SRSF3: variants seen among roughly 807,000 people sequenced by gnomAD.
SRSF3 encodes the protein serine/arginine-rich splicing factor 3.
For missense variants in SRSF3, 58 were observed against 217.1 expected (o/e 0.27, Z 4.61); for synonymous variants, 87 against 73.6 (o/e 1.18, Z -0.93).
At chr6:36,595,236 C>T (rs1166046531) in intron 1 of SRSF3, among the ~76,000 whole-genome samples, 3 of 152,152 alleles carry the variant, frequency 2.0e-5, no homozygotes, top group South Asian at 2.1e-4. Flanking sequence ...ACAAGTTTAT[C>T]AGATTCATCG....
intron 1 of SRSF3, among the ~76,000 whole-genome samples, chr6:36,595,035 T>C (rs1192828040): frequency 2.0e-5 from 3 of 152,196 alleles, no homozygotes; most frequent in African/African-American, 7.2e-5. Flanking sequence ...CAGCAGTGTT[T>C]TTAAAAATTT....
Position 36,602,088 on chromosome 6 carries a change from T to C in SRSF3, c.*99T>C. 1 of 1,542,800 alleles carries C rather than the reference T, an allele frequency of 6.5e-7. No homozygotes were observed. On this transcript the variant is annotated 3_prime_UTR_variant, in exon 6 of 6. Coordinates refer to ENST00000373715, the MANE Select transcript of SRSF3 (RefSeq NM_003017.5). ...TTTGTTTGAGACTTCATAAGCTTGG[T>C]GCATTTTTAAGATGTTTTAGCTGTT...
At chr6:36,601,098 C>T in intron 3 of SRSF3, 54 bp from the exon 4 acceptor site, 1 of 1,467,130 alleles carries the variant, frequency 6.8e-7, no homozygotes, top group Non-Finnish European at 9.2e-7. Flanking sequence ...GGAAATGCCT[C>T]ACGCCATAAA....
intron 4 of SRSF3, chr6:36,601,391 G>A: frequency 1.6e-6 from 1 of 619,242 alleles, no homozygotes; most frequent in Non-Finnish European, 2.8e-6. Flanking sequence ...CTGTCACCCA[G>A]GCTGGAGTGC....
At chr6:36,600,805 T>G in intron 3 of SRSF3, 1 of 187,670 alleles carries the variant, frequency 5.3e-6, no homozygotes, top group Non-Finnish European at 1.1e-5. Context: ...ATGGTACTGT[T>G]TTTGGAACTA....
chr6:36,597,848 A>T lies in SRSF3; in HGVS notation c.206+880A>T, dbSNP rs550433749. Among the ~76,000 whole-genome samples, 14 of 145,424 alleles carry T rather than the reference A, an allele frequency of 9.6e-5. 1 individual carries two copies. Among genetic ancestry groups the T allele is most frequent in the Admixed American group, 4.8e-4 (7 of 14,720 alleles). ...ACTGTGAGCTATAATTTCTTTTTTT[A>T]AAAAAATGTATATTTATTATTTAAA... On this transcript the variant is annotated intron_variant, in intron 2 of 5. Transcript: ENST00000373715.
Position 36,603,354 on chromosome 6 carries a change from A to G in SRSF3, c.*1365A>G, listed in dbSNP as rs899418016. On this transcript the variant is annotated 3_prime_UTR_variant, in exon 6 of 6. Transcript: ENST00000373715. Reference sequence around the variant, plus strand: ...TGCAGAATTGAATATGGAGGCATGCATAACCTTCCTCTTAGAAAATGGCAG... The same window carrying G: ...TGCAGAATTGAATATGGAGGCATGCGTAACCTTCCTCTTAGAAAATGGCAG... 6 of 224,908 alleles carry G rather than the reference A, an allele frequency of 2.7e-5. No homozygotes were observed. In the East Asian group the frequency reaches 3.3e-4, roughly 12 times the overall value. 13.9% of individuals were successfully genotyped at this position (224,908 alleles called of 1,614,324 possible).
chr6:36,598,814 A>C (rs1485503131), intron 2 of SRSF3, 35 bp from the exon 3 acceptor site: 1 of 1,604,326 alleles, frequency 6.2e-7, no homozygotes, highest in Non-Finnish European at 8.5e-7. Flanking sequence ...TCAGAAAGTC[A>C]GGCTGTTTTA....
intron 2 of SRSF3, among the ~76,000 whole-genome samples, chr6:36,597,537 A>G (rs1178791866): frequency 2.0e-5 from 3 of 152,094 alleles, no homozygotes; most frequent in South Asian, 4.1e-4. Context: ...ATCACTTACT[A>G]TTTCCCTTTG....
At chr6:36,600,018 T>TAACCAAATCGGCAGCAGCCACCTC in intron 3 of SRSF3, 2 of 1,250,334 alleles carry the variant, frequency 1.6e-6, no homozygotes, top group Non-Finnish European at 2.1e-6. Flanking sequence ...TCTCCAACCT[T>TAACCAAATCGGCAGCAGCCACCTC]AACCAAATCG....
chr6:36,600,316 A>G, intron 3 of SRSF3: 1 of 994,576 alleles, frequency 1.0e-6, no homozygotes. Flanking sequence ...GCTGGTTAAA[A>G]TAAGGAGTAA....
At position 36,601,130 on chromosome 6, in the gene SRSF3, ATTT is replaced by A; in HGVS notation, c.342-20_342-18del. 6.2e-7 allele frequency: 1 copy of A among 1,606,686 alleles called. No homozygotes were observed. The highest frequency in any genetic ancestry group is 8.5e-7 in the Non-Finnish European group (1 of 1,178,142). On this transcript the variant is annotated intron_variant, in intron 3 of 5. Coordinates refer to ENST00000373715, the MANE Select transcript of SRSF3 (RefSeq NM_003017.5). ...TAAATACTAATTGATGATGAGCCTA[ATTT>A]TCCTGTTTCTGCTTTTAGATCTCCA...
chr6:36,599,033 G>A (rs1582512318), intron 3 of SRSF3, 50 bp downstream of exon 3: 1 of 1,584,394 alleles, frequency 6.3e-7, no homozygotes, highest in South Asian at 1.1e-5. Flanking sequence ...GGAGTAGCTA[G>A]TAGGAGCAGG....
In SRSF3 at chr6:36,604,837, A is replaced by G. The variant is rs1343904966; in HGVS notation, c.*2848A>G. On this transcript the variant is annotated 3_prime_UTR_variant, in exon 6 of 6. Coordinates refer to ENST00000373715, the MANE Select transcript of SRSF3 (RefSeq NM_003017.5). ...GTGTAATTTTGAGGAGTTCTACATG[A>G]TAAATACCCTTGGTGATGTGAGAAC... is the stretch of plus-strand genomic sequence containing the variant. 3 of 152,222 alleles carry G rather than the reference A, an allele frequency of 2.0e-5. No homozygotes were observed. Among genetic ancestry groups the G allele is most frequent in the Non-Finnish European group, 2.9e-5 (2 of 68,050 alleles). 9.4% of individuals were successfully genotyped at this position (152,222 alleles called of 1,614,324 possible). A position where few individuals can be genotyped will look rare whatever the true frequency, so the allele number is the denominator to read the frequency against.
Position 36,602,785 on chromosome 6 carries a change from C to T in SRSF3, c.*796C>T, listed in dbSNP as rs1778739843. The T allele has an allele frequency of 1.4e-5, 3 of 209,700 alleles. No individual in the cohort carries two copies. In the East Asian group the frequency reaches 2.2e-4, roughly 15 times the overall value. The allele number at this position is 209,700 out of a possible 1,614,324, so 13.0% of individuals were successfully genotyped here. The stretch of plus-strand genomic sequence containing the variant: ...GTTTTGGTTACAAATTGTTCTTTAA[C>T]TTGAAAGCCTGTTTTTCCTTGCAAA... On this transcript the variant is annotated 3_prime_UTR_variant, in exon 6 of 6. Coordinates refer to ENST00000373715, the MANE Select transcript of SRSF3 (RefSeq NM_003017.5).
chr6:36,600,268 C>T (rs1469288141), intron 3 of SRSF3: 9 of 1,040,684 alleles, frequency 8.6e-6, no homozygotes, highest in Non-Finnish European at 1.0e-5. Context: ...TTGTTGAAAC[C>T]CAAAACTAGT....
chr6:36,596,702 C>T, intron 1 of SRSF3, 59 bp from the exon 2 acceptor site: 1 of 1,464,706 alleles, frequency 6.8e-7, no homozygotes, highest in Non-Finnish European at 9.6e-7. Context: ...TTCTAAGGAT[C>T]TGTGGTTTTA....
chr6:36,595,419 T>C (rs904937535), intron 1 of SRSF3, among the ~76,000 whole-genome samples: 7 of 152,222 alleles, frequency 4.6e-5, no homozygotes, highest in African/African-American at 1.7e-4. Context: ...TGTGTAATCA[T>C]CACTTACACG....
intron 3 of SRSF3, chr6:36,599,313 A>T: frequency 4.1e-6 from 1 of 244,706 alleles, no homozygotes; most frequent in Non-Finnish European, 8.0e-6. Context: ...ATTACATTCA[A>T]CTCTAGCTCT....
Sources: gnomAD v4.1 joint callset for allele counts (sites outside exome capture counted in the v4.1 genomes callset) on GRCh38, gnomAD v4.1.1 for gene constraint, MANE v1.5 for transcripts, NCBI Gene and HGNC (gene_info 2026-07-23, HGNC 2026-07-21) for gene names.